PARD3B: variants seen among roughly 807,000 people sequenced by gnomAD.
PARD3B encodes the protein partitioning defective 3 homolog B.
Under a neutral mutation model 130.2 loss-of-function variants are expected in PARD3B, and 103 were observed. That is an observed-to-expected ratio of 0.79 (90% confidence interval 0.67 to 0.93). The LOEUF is 0.93. PARD3B is among the 40% of genes least tolerant of loss of function. The probability of loss-of-function intolerance (pLI) is 0.00; values close to 1 mark genes in which losing one functional copy is unlikely to be tolerated. For synonymous variants in PARD3B, 583 were observed against 553.2 expected, an observed-to-expected ratio of 1.05 and a Z score of -0.76; for missense variants, 1,609 against 1,499.2, an observed-to-expected ratio of 1.07 and a Z score of -1.21.
chr2:204,756,472 A>G (rs2040679568), intron 2 of PARD3B, among the ~76,000 whole-genome samples: 1 of 152,174 alleles, frequency 6.6e-6, no homozygotes, highest in Non-Finnish European at 1.5e-5. Flanking sequence ...AATAAATCGA[A>G]TAGCTTATGT....
At chr2:204,832,278 C>T (rs538798336) in intron 2 of PARD3B, among the ~76,000 whole-genome samples, 1 of 152,090 alleles carries the variant, frequency 6.6e-6, no homozygotes, top group South Asian at 2.1e-4. Context: ...TATTCTGGAC[C>T]AACTGGATGA....
At chr2:204,936,371 AG>A (rs1374499943) in intron 2 of PARD3B, among the ~76,000 whole-genome samples, 1 of 152,198 alleles carries the variant, frequency 6.6e-6, no homozygotes, top group African/African-American at 2.4e-5. Context: ...AAATTGACAA[AG>A]GTAAAATATT....
chr2:205,432,159 C>T (rs2047360093), intron 19 of PARD3B, among the ~76,000 whole-genome samples: 2 of 152,130 alleles, frequency 1.3e-5, no homozygotes, highest in Non-Finnish European at 2.9e-5. Context: ...ATTTTTAGCT[C>T]ATGGATCCAA....
chr2:204,648,027 T>G (rs976678142), intron 1 of PARD3B, among the ~76,000 whole-genome samples: 5 of 151,682 alleles, frequency 3.3e-5, no homozygotes, highest in Non-Finnish European at 5.9e-5. Context: ...AGAAGGTGAC[T>G]ACGCAATAGT....
chr2:205,535,856 A>G (rs561927473), intron 21 of PARD3B, among the ~76,000 whole-genome samples: 1 of 152,338 alleles, frequency 6.6e-6, no homozygotes, highest in African/African-American at 2.4e-5. Flanking sequence ...AAAGTGTTGG[A>G]TCATTTTTCT....
At chr2:205,526,691 T>A (rs1470411971) in intron 21 of PARD3B, among the ~76,000 whole-genome samples, 3 of 152,226 alleles carry the variant, frequency 2.0e-5, no homozygotes, top group Admixed American at 6.5e-5. Context: ...GTGAATTAAT[T>A]GACATGAAAA....
intron 3 of PARD3B, among the ~76,000 whole-genome samples, chr2:205,024,587 G>A (rs181194256): frequency 1.3e-3 from 203 of 152,298 alleles, no homozygotes; most frequent in African/African-American, 4.8e-3. Flanking sequence ...GTCCAGATAT[G>A]TTGATCAACT....
intron 3 of PARD3B, among the ~76,000 whole-genome samples, chr2:205,018,746 A>AAAAAAAAAAAAAC (rs1696358857): frequency 6.7e-6 from 1 of 148,416 alleles, no homozygotes; most frequent in Non-Finnish European, 1.5e-5. Context: ...AAAAAAAAAA[A>AAAAAAAAAAAAAC]AAAAGCACGC....
At chr2:205,296,663 A>ATG (rs3048084) in intron 16 of PARD3B, among the ~76,000 whole-genome samples, 9,282 of 137,908 alleles carry the variant, frequency 0.067, 353 homozygotes, top group African/African-American at 0.12. Context: ...GTGTTTGTGT[A>ATG]TGTGTGTGTG....
chr2:204,985,630 G>T (rs1693067907), intron 3 of PARD3B, among the ~76,000 whole-genome samples: 1 of 152,136 alleles, frequency 6.6e-6, no homozygotes, highest in East Asian at 1.9e-4. Flanking sequence ...TTCTTCAGTG[G>T]CAGAGGGCCC....
chr2:205,378,924 C>G (rs2045191217), intron 18 of PARD3B, among the ~76,000 whole-genome samples: 1 of 151,798 alleles, frequency 6.6e-6, no homozygotes, highest in Admixed American at 6.6e-5. Flanking sequence ...GCCACCATGC[C>G]TGGCCTTTTT....
chr2:205,581,277 T>TAGATATAGATAGATATAG (rs1184893536), intron 22 of PARD3B, among the ~76,000 whole-genome samples: 3 of 67,880 alleles, frequency 4.4e-5, no homozygotes, highest in Admixed American at 1.7e-4. Flanking sequence ...GATAGATAGA[T>TAGATATAGATAGATATAG]ATAGATATAT....
chr2:204,748,017 T>C (rs2040312982), intron 2 of PARD3B, among the ~76,000 whole-genome samples: 1 of 151,960 alleles, frequency 6.6e-6, no homozygotes, highest in Non-Finnish European at 1.5e-5. Flanking sequence ...AGGCCTTGGG[T>C]AATGGGAAAA....
rs1268734641 is a variant in PARD3B at position 205,121,245 on chromosome 2, T to G, written c.807-346T>G. Among the ~76,000 whole-genome samples the G allele has an allele frequency of 6.6e-6, 1 of 152,246 alleles. No homozygotes were observed. Among genetic ancestry groups the G allele is most frequent in the African/African-American group, 2.4e-5 (1 of 41,468 alleles). On this transcript the variant is annotated intron_variant, in intron 7 of 22. Coordinates refer to ENST00000406610, the MANE Select transcript of PARD3B (RefSeq NM_001302769.2). This position sits in a 1 kb window ranked among gnomAD's most constrained non-coding sequence, Gnocchi z 5.0. ...AATCACTTCTGGTTAGATTTTCATC[T>G]TTAGAAACATGTAAAAGCTGTGGGT...
At chr2:204,608,467 C>T (rs1178161459) in intron 1 of PARD3B, among the ~76,000 whole-genome samples, 1 of 152,208 alleles carries the variant, frequency 6.6e-6, no homozygotes, top group African/African-American at 2.4e-5. Context: ...TGCTCCTTTG[C>T]TCCCAGAATC....
chr2:204,622,054 G>A (rs939464557), intron 1 of PARD3B, among the ~76,000 whole-genome samples: 2 of 152,182 alleles, frequency 1.3e-5, no homozygotes, highest in South Asian at 2.1e-4. Context: ...GGCTTCACAT[G>A]TACAGTGACA....
chr2:205,002,950 A>G (rs929492947), intron 3 of PARD3B, among the ~76,000 whole-genome samples: 7 of 152,198 alleles, frequency 4.6e-5, no homozygotes, highest in Non-Finnish European at 7.3e-5. Context: ...AAACACCACA[A>G]GGCTGCACAA....
In PARD3B at chr2:205,321,837, G is replaced by A. The variant is rs937789023; in HGVS notation, c.2630+20136G>A. Among the ~76,000 whole-genome samples the A allele has an allele frequency of 2.0e-5, 3 of 152,186 alleles. No homozygotes were observed. The highest frequency in any genetic ancestry group is 2.9e-5 in the Non-Finnish European group (2 of 68,030). ...TAAATGAGTACAGATTTCCAAGAGCGAGGTGTACTTCTTTGACAATTAATG... is the reference window on the plus strand; with the variant it reads ...TAAATGAGTACAGATTTCCAAGAGCAAGGTGTACTTCTTTGACAATTAATG... On this transcript the variant is annotated intron_variant, in intron 18 of 22. Coordinates refer to ENST00000406610, the MANE Select transcript of PARD3B (RefSeq NM_001302769.2). The surrounding 1 kb of genome is among the most constrained non-coding windows in gnomAD (Gnocchi z 4.2).
intron 21 of PARD3B, among the ~76,000 whole-genome samples, chr2:205,508,368 T>C (rs972406338): frequency 1.3e-5 from 2 of 151,778 alleles, no homozygotes; most frequent in Non-Finnish European, 2.9e-5. Context: ...AGCCCAAGAG[T>C]TGGAGACCAG....
Sources: gnomAD v4.1 joint callset for allele counts (sites outside exome capture counted in the v4.1 genomes callset) on GRCh38, gnomAD v4.1.1 for gene constraint, Gnocchi (gnomAD v3.1) non-coding constraint, MANE v1.5 for transcripts, NCBI Gene and HGNC (gene_info 2026-07-23, HGNC 2026-07-21) for gene names.